Variants in PGAP4 observed in about 807,000 individuals in gnomAD.
PGAP4 encodes GPI-N-acetylgalactosamine transferase PGAP4.
Under a neutral mutation model 28.2 loss-of-function variants are expected in PGAP4, and 12 were observed. That is an observed-to-expected ratio of 0.42 (90% CI 0.27 to 0.69). The LOEUF (loss-of-function observed/expected upper bound fraction) is 0.69. Among genes scored for constraint, PGAP4 ranks in the 30% least tolerant of loss-of-function variants. The pLI, the probability that PGAP4 is intolerant of heterozygous loss-of-function variation, is 0.22. For synonymous variants in PGAP4, 205 were observed against 211.8 expected (o/e 0.97, Z 0.28); for missense variants, 425 against 513.5 (o/e 0.83, Z 1.67).
intron 2 of PGAP4, among the ~76,000 whole-genome samples, chr9:101,519,269 T>C (rs1826966102): frequency 6.6e-6 from 1 of 152,302 alleles, no homozygotes; most frequent in South Asian, 2.1e-4. Flanking sequence ...GCGATTCTCC[T>C]GCCTCAGCCT....
At chr9:101,524,247 C>G (rs1234741661) in intron 2 of PGAP4, among the ~76,000 whole-genome samples, 1 of 151,278 alleles carries the variant, frequency 6.6e-6, no homozygotes, top group Non-Finnish European at 1.5e-5. Context: ...TGCAGGTTGT[C>G]AGGTAAGTGG....
chr9:101,482,312 G>A (rs1238720480), intron 1 of PGAP4, among the ~76,000 whole-genome samples: 1 of 152,132 alleles, frequency 6.6e-6, no homozygotes, highest in Admixed American at 6.5e-5. Flanking sequence ...TGGGTGTGGT[G>A]GCACGTGCCT....
upstream of PGAP4, chr9:101,533,487 C>T (rs3818336): frequency 0.14 from 21,513 of 152,256 alleles, 1,718 homozygotes; most frequent in African/African-American, 0.18. Flanking sequence ...GTCATGTCCC[C>T]GGAGATTGAC....
chr9:101,476,020 T>A lies in PGAP4; in HGVS notation c.1073A>T (p.Lys358Met), dbSNP rs1417955996. 1 of 1,614,158 alleles carries A rather than the reference T, an allele frequency of 6.2e-7. No homozygotes were observed. The highest frequency in any genetic ancestry group is 1.3e-5 in the African/African-American group (1 of 75,028). The change falls in exon 2 of 2, where the codon AAG (lysine) becomes ATG (methionine). Residue 358 changes from lysine (K) to methionine (M), a missense_variant. Lys to Met is a moderately conservative substitution (Grantham distance 95). Transcript: ENST00000374848. This position sits in a 1 kb window ranked among gnomAD's most constrained non-coding sequence, Gnocchi z 7.0. ...LTYLSQVYCHKGFGKDMALYS... is the reference protein window; with the variant it reads ...LTYLSQVYCHMGFGKDMALYS... The stretch of plus-strand genomic sequence containing the variant: ...CAGTGCCATGTCCTTGCCAAAGCCC[T>A]TGTGGCAGTACACTTGGGACAGGTA...
At chr9:101,522,424 G>A (rs1349924296) in intron 2 of PGAP4, among the ~76,000 whole-genome samples, 1 of 152,132 alleles carries the variant, frequency 6.6e-6, no homozygotes, top group Non-Finnish European at 1.5e-5. Context: ...GTTTAAGATT[G>A]TGATATTTTC....
intron 2 of PGAP4, among the ~76,000 whole-genome samples, chr9:101,518,477 T>G (rs1180693083): frequency 6.6e-6 from 1 of 152,188 alleles, no homozygotes; most frequent in African/African-American, 2.4e-5. Context: ...ATGATTCTTA[T>G]GCCATTGTGT....
chr9:101,531,195 TAC>T (rs367760603), intron 2 of PGAP4: 13,940 of 137,278 alleles, frequency 0.1, 674 homozygotes, highest in South Asian at 0.14. Flanking sequence ...AATCTCTTTC[TAC>T]ACACACACAC....
chr9:101,514,531 T>C (rs1826927179), intron 2 of PGAP4, among the ~76,000 whole-genome samples: 1 of 152,078 alleles, frequency 6.6e-6, no homozygotes, highest in African/African-American at 2.4e-5. Context: ...CATGTGCATG[T>C]GTGTATGTGT....
In PGAP4 at chr9:101,523,619, C is replaced by CATTTTTTTTTTT. The variant is rs1245170432; in HGVS notation, c.-165+7728_-165+7729insAAAAAAAAAAAT. ...ACATTTCTCCCCTCACTTCTTGTAT[C>CATTTTTTTTTTT]TTTTTTTTTTTTTTTTTTTTTTTTT... is the stretch of plus-strand genomic sequence containing the variant. On this transcript the variant is annotated intron_variant, in intron 2 of 3. Coordinates refer to the PGAP4 transcript ENST00000374851. Among the ~76,000 whole-genome samples, 70 of 59,334 alleles carry CATTTTTTTTTTT rather than the reference C, an allele frequency of 1.2e-3. 7 individuals are homozygous for CATTTTTTTTTTT. The highest frequency in any genetic ancestry group is 1.3e-3 in the South Asian group (2 of 1,522). The allele number at this position is 59,334 out of a possible 152,430, so 38.9% of individuals were successfully genotyped here.
intron 2 of PGAP4, among the ~76,000 whole-genome samples, chr9:101,493,866 C>T (rs1269467475): frequency 6.6e-6 from 1 of 151,516 alleles, no homozygotes; most frequent in Non-Finnish European, 1.5e-5. Context: ...AGAGTTGTAG[C>T]CAAATATTGG....
At chr9:101,510,186 A>T (rs1173429489) in intron 2 of PGAP4, among the ~76,000 whole-genome samples, 1 of 152,154 alleles carries the variant, frequency 6.6e-6, no homozygotes, top group South Asian at 2.1e-4. Flanking sequence ...AAAGAGGAAC[A>T]CATGCCACCT....
chr9:101,485,767 T>C (rs1826599161), intron 1 of PGAP4, among the ~76,000 whole-genome samples: 1 of 152,090 alleles, frequency 6.6e-6, no homozygotes. Flanking sequence ...AAGTTTTAAG[T>C]TATTTTTATT....
chr9:101,476,078 A>G lies in PGAP4; in HGVS notation c.1015T>C (p.Phe339Leu). ...ASQCCTPAML[F>L]PAPAARRTLT... ...GTCCGGCGGGCCGCAGGTGCCGGGA[A>G]GAGCATGGCTGGGGTGCAACACTGA... The change falls in exon 2 of 2, where the codon TTC (phenylalanine) becomes CTC (leucine). Residue 339 changes from phenylalanine to leucine, a missense_variant. Transcript: ENST00000374848. The surrounding 1 kb of genome is among the most constrained non-coding windows in gnomAD (Gnocchi z 7.0). 1 of 1,614,184 alleles carries G rather than the reference A, an allele frequency of 6.2e-7. No individual in the cohort carries two copies. Among genetic ancestry groups the G allele is most frequent in the Non-Finnish European group, 8.5e-7 (1 of 1,180,024 alleles).
At chr9:101,510,418 C>A (rs1430056803) in intron 2 of PGAP4, among the ~76,000 whole-genome samples, 1 of 151,948 alleles carries the variant, frequency 6.6e-6, no homozygotes, top group Non-Finnish European at 1.5e-5. Context: ...CAGAGGCTTA[C>A]CTTTTAATGC....
Position 101,476,393 on chromosome 9 carries a change from C to T in PGAP4, c.700G>A (p.Glu234Lys), listed in dbSNP as rs751492491. Residue 234 changes from glutamate (E) to lysine (K), a missense_variant, in exon 2 of 2, where the codon GAG becomes AAG. Coordinates refer to ENST00000374848, the MANE Select transcript of PGAP4 (RefSeq NM_032342.3). The surrounding 1 kb of genome is among the most constrained non-coding windows in gnomAD (Gnocchi z 7.0). ...TAAAGGGCATCTCTGAGATGTGGCT[C>T]AGAGAAGCGAGCCCGCAGAAGGTGC... ...LEHLLRARFS[E>K]PHLRDALYLK... 6.2e-7 allele frequency: 1 copy of T among 1,614,038 alleles called. No homozygotes were observed. The highest frequency in any genetic ancestry group is 1.1e-5 in the South Asian group (1 of 91,072).
chr9:101,494,408 C>A (rs1475604901), intron 2 of PGAP4, among the ~76,000 whole-genome samples: 2 of 151,710 alleles, frequency 1.3e-5, no homozygotes, highest in Admixed American at 6.6e-5. Flanking sequence ...TCATAAACTA[C>A]AGATAGGTTA....
chr9:101,476,285 T>G lies in PGAP4; in HGVS notation c.808A>C (p.Met270Leu). 6.2e-7 allele frequency: 1 copy of G among 1,614,036 alleles called. No individual in the cohort carries two copies. Among genetic ancestry groups the G allele is most frequent in the Non-Finnish European group, 8.5e-7 (1 of 1,179,988 alleles). ...CAGGTTAGTAAGGGCCCCAGCAACA[T>G]GCCTACACCAACCCATTCCAGGATC... ...MRILEWVGVGMLLGPLLTWIY... is the reference protein window; with the variant it reads ...MRILEWVGVGLLLGPLLTWIY... Residue 270 changes from methionine to leucine, a missense_variant, in exon 2 of 2, where the codon ATG becomes CTG. Physicochemically the swap from Met to Leu is conservative, Grantham distance 15 (BLOSUM62 2). Transcript: ENST00000374848. This position sits in a 1 kb window ranked among gnomAD's most constrained non-coding sequence, Gnocchi z 7.0.
At chr9:101,495,797 A>G (rs1018833721) in intron 2 of PGAP4, among the ~76,000 whole-genome samples, 3 of 151,134 alleles carry the variant, frequency 2.0e-5, no homozygotes. Flanking sequence ...AAAACATAAA[A>G]TGTTTGAGTT....
At chr9:101,512,100 G>T (rs2118612192) in intron 2 of PGAP4, among the ~76,000 whole-genome samples, 1 of 152,250 alleles carries the variant, frequency 6.6e-6, no homozygotes, top group Non-Finnish European at 1.5e-5. Flanking sequence ...CTGGGTGAGA[G>T]CCTGACCAAA....
Sources: allele counts gnomAD v4.1 joint callset (sites outside exome capture counted in the v4.1 genomes callset), GRCh38; gene constraint gnomAD v4.1.1; non-coding constraint Gnocchi (gnomAD v3.1); transcripts MANE v1.5; gene names NCBI Gene and HGNC (gene_info 2026-07-23, HGNC 2026-07-21).